CADPS2: variants seen among roughly 807,000 people sequenced by gnomAD.
CADPS2 encodes the protein calcium dependent secretion activator 2, also known as calcium-dependent secretion activator 2.
CADPS2 carries 93 observed loss-of-function variants against 172.5 expected under a neutral mutation model. That is an observed-to-expected ratio of 0.54 (90% CI 0.46 to 0.64). The LOEUF (loss-of-function observed/expected upper bound fraction) is 0.64. Among genes scored for constraint, CADPS2 ranks in the 30% least tolerant of loss-of-function variants. The pLI is 0.00. For missense variants in CADPS2, 1,420 were observed against 1,565.9 expected (o/e 0.91, Z 1.57); for synonymous variants, 546 against 555.2 (o/e 0.98, Z 0.23).
intron 8 of CADPS2, among the ~76,000 whole-genome samples, chr7:122,521,993 T>C (rs972564418): frequency 2.6e-5 from 4 of 152,196 alleles, no homozygotes; most frequent in Non-Finnish European, 5.9e-5. Flanking sequence ...AGAAAATGAA[T>C]GAAGGCAAAC....
intron 8 of CADPS2, among the ~76,000 whole-genome samples, chr7:122,528,110 A>AGGGGTG (rs2061424442): frequency 7.7e-6 from 1 of 130,042 alleles, no homozygotes; most frequent in African/African-American, 3.1e-5. Context: ...TGAAGGCATT[A>AGGGGTG]GTGGTGGTGG....
At chr7:122,334,003 C>A (rs951096065) in intron 28 of CADPS2, among the ~76,000 whole-genome samples, 1 of 151,740 alleles carries the variant, frequency 6.6e-6, no homozygotes, top group African/African-American at 2.4e-5. Context: ...ATTTCCTTAA[C>A]AGAAAAATAA....
At position 122,627,993 on chromosome 7, in the gene CADPS2, C is replaced by A. The variant is rs140374843; in HGVS notation, c.867+1255G>T. Among the ~76,000 whole-genome samples the A allele has an allele frequency of 3.4e-4, 51 of 152,198 alleles. 1 individual carries two copies. Among genetic ancestry groups the A allele is most frequent in the African/African-American group, 1.1e-3 (46 of 41,544 alleles). On this transcript the variant is annotated intron_variant, in intron 4 of 29. Transcript: ENST00000449022. Reference sequence around the variant, plus strand: ...ACCCAGAGGACAAAAATAAGGCATGCTATCCTTTCAATCACTGCCCTCTGT... The same window carrying A: ...ACCCAGAGGACAAAAATAAGGCATGATATCCTTTCAATCACTGCCCTCTGT...
chr7:122,596,678 C>T (rs1487965300), intron 6 of CADPS2, among the ~76,000 whole-genome samples: 1 of 152,062 alleles, frequency 6.6e-6, no homozygotes, highest in Non-Finnish European at 1.5e-5. Context: ...GTGCTCTGGA[C>T]ATAAAAGGCA....
At chr7:122,829,947 T>A (rs1646661083) in intron 1 of CADPS2, among the ~76,000 whole-genome samples, 2 of 151,876 alleles carry the variant, frequency 1.3e-5, no homozygotes, top group Non-Finnish European at 2.9e-5. Context: ...GCAAGAGAGA[T>A]GAGATACCTA....
intron 2 of CADPS2, chr7:122,676,577 T>C (rs1588337561): frequency 1.2e-6 from 1 of 863,692 alleles, no homozygotes; most frequent in Non-Finnish European, 1.8e-6. Flanking sequence ...CAATTAAATA[T>C]CCACTTCACA....
At chr7:122,484,853 A>T (rs1202610468) in intron 11 of CADPS2, among the ~76,000 whole-genome samples, 1 of 152,144 alleles carries the variant, frequency 6.6e-6, no homozygotes, top group East Asian at 1.9e-4. Context: ...CCCTGTGTCA[A>T]GCAAGTCCAT....
chr7:122,820,059 T>C (rs979202727), intron 1 of CADPS2, among the ~76,000 whole-genome samples: 1 of 152,168 alleles, frequency 6.6e-6, no homozygotes, highest in Non-Finnish European at 1.5e-5. Flanking sequence ...TAGTTCAGGA[T>C]CTGTGCCTAA....
intron 28 of CADPS2, among the ~76,000 whole-genome samples, chr7:122,332,762 C>G (rs1180435785): frequency 6.6e-6 from 1 of 152,170 alleles, no homozygotes; most frequent in Non-Finnish European, 1.5e-5. Flanking sequence ...AAATTGGGAG[C>G]TGCACAAGCT....
intron 7 of CADPS2, among the ~76,000 whole-genome samples, chr7:122,576,773 A>ATTTTT (rs1257767347): frequency 7.4e-6 from 1 of 135,914 alleles, no homozygotes; most frequent in African/African-American, 2.7e-5. Flanking sequence ...AGGAGATCTG[A>ATTTTT]TTTTTTTTTT....
In CADPS2 at chr7:122,835,001, G is replaced by T. The variant is rs190893402; in HGVS notation, c.339+50998C>A. Among the ~76,000 whole-genome samples, 42 of 152,278 alleles carry T rather than the reference G, an allele frequency of 2.8e-4. No homozygotes were observed. In the East Asian group the frequency reaches 7.5e-3, roughly 27 times the overall value. ...AGACTGCCTCCTCAAGTGGGTCCCT[G>T]ACGCCCGAGTAGCCTAATGGGGAGG... On this transcript the variant is annotated intron_variant, in intron 1 of 29. Coordinates refer to ENST00000449022, the MANE Select transcript of CADPS2 (RefSeq NM_017954.11).
intron 28 of CADPS2, among the ~76,000 whole-genome samples, chr7:122,337,834 T>G (rs1278790244): frequency 6.6e-6 from 1 of 150,402 alleles, no homozygotes; most frequent in Non-Finnish European, 1.5e-5. Context: ...AGAAACAGGC[T>G]TGACTATGAC....
intron 2 of CADPS2, among the ~76,000 whole-genome samples, chr7:122,684,765 G>A (rs1402895477): frequency 1.3e-5 from 2 of 152,024 alleles, no homozygotes; most frequent in East Asian, 3.9e-4. Flanking sequence ...ATACTACCAA[G>A]ACACCAGAGA....
intron 25 of CADPS2, among the ~76,000 whole-genome samples, chr7:122,376,607 G>A (rs1160674074): frequency 3.9e-5 from 6 of 152,152 alleles, no homozygotes; most frequent in African/African-American, 7.2e-5. Context: ...GTCAAAAGCA[G>A]TCTCAGTTAT....
chr7:122,676,664 T>A (rs1317968071), intron 2 of CADPS2: 1 of 1,582,354 alleles, frequency 6.3e-7, no homozygotes, highest in African/African-American at 1.3e-5. Flanking sequence ...CAGGAGAACC[T>A]GGAGGCCTGC....
intron 19 of CADPS2, among the ~76,000 whole-genome samples, chr7:122,412,560 C>T (rs2047435044): frequency 6.6e-6 from 1 of 152,182 alleles, no homozygotes. Flanking sequence ...GCAAATGAAT[C>T]AACCATTTGC....
intron 2 of CADPS2, among the ~76,000 whole-genome samples, chr7:122,676,093 G>T (rs754384914): frequency 6.6e-6 from 1 of 152,158 alleles, no homozygotes; most frequent in Admixed American, 6.5e-5. Flanking sequence ...TTAAGGTAAG[G>T]GGGTGGGGAG....
intron 2 of CADPS2, among the ~76,000 whole-genome samples, chr7:122,684,436 C>CATAT (rs34176184): frequency 1.1e-4 from 16 of 151,172 alleles, no homozygotes; most frequent in East Asian, 5.8e-4. Context: ...TTGTAGTAAG[C>CATAT]ATATATATAT....
At chr7:122,803,359 CAAG>C (rs2140003084) in intron 1 of CADPS2, among the ~76,000 whole-genome samples, 1 of 152,256 alleles carries the variant, frequency 6.6e-6, no homozygotes, top group East Asian at 1.9e-4. Context: ...AAGTTAGGAA[CAAG>C]AACAAAACCT....
Sources: allele counts gnomAD v4.1 joint callset (sites outside exome capture counted in the v4.1 genomes callset), GRCh38; gene constraint gnomAD v4.1.1; transcripts MANE v1.5; gene names NCBI Gene and HGNC (gene_info 2026-07-23, HGNC 2026-07-21).